Variants in CPNE5 observed in about 807,000 individuals in gnomAD.
CPNE5 encodes copine-5.
A neutral mutation model predicts 81.1 loss-of-function variants in CPNE5; 42 were observed. The observed-to-expected ratio is 0.52, with a 90% confidence interval of 0.40 to 0.67. The LOEUF is 0.67. Among genes scored for constraint, CPNE5 ranks in the 30% least tolerant of loss-of-function variants. CPNE5 has a pLI of 0.00. For synonymous variants in CPNE5, 313 were observed against 321.5 expected (o/e 0.97, Z 0.28); for missense variants, 612 against 815.5 (o/e 0.75, Z 3.04).
At chr6:36,836,022 G>A (rs1483060081) in intron 1 of CPNE5, among the ~76,000 whole-genome samples, 1 of 152,172 alleles carries the variant, frequency 6.6e-6, no homozygotes. Context: ...CAGCTTAGTA[G>A]CTTACCCAAG....
Position 36,742,200 on chromosome 6 carries a change from C to T in CPNE5, c.*68G>A. 2 of 1,313,630 alleles carry T rather than the reference C, an allele frequency of 1.5e-6. No individual in the cohort carries two copies. The highest frequency in any genetic ancestry group is 2.1e-6 in the Non-Finnish European group (2 of 954,380). The allele number at this position is 1,313,630 out of a possible 1,614,324, so 81.4% of individuals were successfully genotyped here. A position where few individuals can be genotyped will look rare whatever the true frequency, so the allele number is the denominator to read the frequency against. ...GCCGGGCAGGCCAACTTCGGGGAGT[C>T]TGGGGCCCTGGCCTCCCATTCACCT... On this transcript the variant is annotated 3_prime_UTR_variant, in exon 21 of 21. Coordinates refer to ENST00000244751, the MANE Select transcript of CPNE5 (RefSeq NM_020939.2).
chr6:36,744,369 G>T, intron 18 of CPNE5, 44 bp from the exon 19 acceptor site: 1 of 1,496,758 alleles, frequency 6.7e-7, no homozygotes, highest in Non-Finnish European at 9.2e-7. Flanking sequence ...GACCCAATTG[G>T]GACCCAGTTA....
In CPNE5 at chr6:36,745,054, A is replaced by C; in HGVS notation, c.1425T>G (p.Ile475Met). The C allele has an allele frequency of 1.2e-6, 2 of 1,612,726 alleles. No individual in the cohort carries two copies. Among genetic ancestry groups the C allele is most frequent in the Non-Finnish European group, 1.7e-6 (2 of 1,178,696 alleles). Residue 475 changes from isoleucine to methionine, a missense_variant, in exon 18 of 21, where the codon ATT becomes ATG. Transcript: ENST00000244751. Reference sequence around the variant, plus strand: ...CCGCACACTCCTTGCTTACGTTGACAATGGCCTCCTTGGTCTGCGCCATGT... The same window carrying C: ...CCGCACACTCCTTGCTTACGTTGACCATGGCCTCCTTGGTCTGCGCCATGT... ...ISDMAQTKEA[I>M]VNAAKLPMSI...
intron 10 of CPNE5, among the ~76,000 whole-genome samples, chr6:36,770,727 T>A (rs972772059): frequency 3.3e-5 from 5 of 152,182 alleles, no homozygotes; most frequent in African/African-American, 9.7e-5. Flanking sequence ...CCTCCTGCTT[T>A]AGCGGTGCCT....
rs57677612 is a variant in CPNE5, at chr6:36,802,217, C to CAA, written c.184-2149_184-2148dup. ...CTGGCAACAGAGTGAGACTCCATCT[C>CAA]AAAAAAAAAAAAAAAAAAAAAAAAA... On this transcript the variant is annotated intron_variant, in intron 3 of 20. Transcript: ENST00000244751. Among the ~76,000 whole-genome samples, 61 of 56,730 alleles carry CAA rather than the reference C, an allele frequency of 1.1e-3. 1 individual carries two copies. Among genetic ancestry groups the CAA allele is most frequent in the Non-Finnish European group, 1.6e-3 (50 of 32,040 alleles). 37.2% of individuals were successfully genotyped at this position (56,730 alleles called of 152,430 possible).
intron 3 of CPNE5, among the ~76,000 whole-genome samples, chr6:36,802,973 A>G (rs774766223): frequency 2.0e-5 from 3 of 152,084 alleles, no homozygotes; most frequent in Admixed American, 2.0e-4. Flanking sequence ...CAGGAGAATC[A>G]CTTAAACCCA....
intron 16 of CPNE5, 118 bp from the exon 17 acceptor site, chr6:36,745,633 G>T: frequency 1.7e-6 from 2 of 1,176,918 alleles, no homozygotes; most frequent in Non-Finnish European, 2.4e-6. Context: ...GGTCTTCTCT[G>T]GTGTGGGGTG....
chr6:36,837,597 C>A (rs1415241579), intron 1 of CPNE5, among the ~76,000 whole-genome samples: 1 of 152,142 alleles, frequency 6.6e-6, no homozygotes, highest in East Asian at 1.9e-4. Flanking sequence ...AGGCTGAGTA[C>A]CTAGGGCCCA....
intron 1 of CPNE5, among the ~76,000 whole-genome samples, chr6:36,834,242 G>A (rs13214822): frequency 1.6e-5 from 1 of 62,056 alleles, no homozygotes; most frequent in South Asian, 6.7e-4. Context: ...TTGGGCAACA[G>A]AGACTGTATC....
intron 3 of CPNE5, among the ~76,000 whole-genome samples, chr6:36,804,010 C>T (rs1283601625): frequency 1.3e-5 from 2 of 152,146 alleles, no homozygotes; most frequent in Non-Finnish European, 2.9e-5. Flanking sequence ...ACTGAATGCT[C>T]AATAGCTTAA....
intron 1 of CPNE5, among the ~76,000 whole-genome samples, chr6:36,831,539 A>C (rs1275299683): frequency 6.6e-6 from 1 of 151,250 alleles, no homozygotes; most frequent in Admixed American, 6.6e-5. Flanking sequence ...TTTTTAATAG[A>C]AACGGGGTTT....
intron 11 of CPNE5, among the ~76,000 whole-genome samples, chr6:36,764,852 T>C (rs184066590): frequency 0.012 from 1,806 of 152,244 alleles, 16 homozygotes; most frequent in Non-Finnish European, 0.017. Context: ...ACGGGTACAA[T>C]TGGCCTCCCT....
chr6:36,804,966 A>G (rs547614588), intron 3 of CPNE5, among the ~76,000 whole-genome samples: 13 of 152,370 alleles, frequency 8.5e-5, no homozygotes, highest in African/African-American at 2.9e-4. Context: ...CTGGGGACTT[A>G]CTGAAGATGT....
intron 12 of CPNE5, among the ~76,000 whole-genome samples, chr6:36,760,834 T>A (rs1478629237): frequency 6.6e-6 from 1 of 151,930 alleles, no homozygotes; most frequent in African/African-American, 2.4e-5. Flanking sequence ...GAGGCACAGG[T>A]CTTTACTGGC....
At chr6:36,821,771 A>G (rs236377) in intron 3 of CPNE5, among the ~76,000 whole-genome samples, 69,502 of 151,982 alleles carry the variant, frequency 0.46, 16,170 homozygotes, top group South Asian at 0.62. Flanking sequence ...CTTGCTGTGG[A>G]TGAGGCCTGG....
chr6:36,830,999 A>G (rs1054696919), intron 1 of CPNE5, among the ~76,000 whole-genome samples: 1 of 151,668 alleles, frequency 6.6e-6, no homozygotes, highest in Non-Finnish European at 1.5e-5. Context: ...GCCTCTCTCT[A>G]CCCTTCATCA....
chr6:36,811,832 A>G (rs1295974743), intron 3 of CPNE5, among the ~76,000 whole-genome samples: 3 of 152,128 alleles, frequency 2.0e-5, no homozygotes, highest in Non-Finnish European at 2.9e-5. Flanking sequence ...GGCTGGGCGC[A>G]GTGGCTCATG....
At chr6:36,762,069 T>C (rs560451028) in intron 12 of CPNE5, among the ~76,000 whole-genome samples, 3 of 151,726 alleles carry the variant, frequency 2.0e-5, no homozygotes, top group African/African-American at 7.3e-5. Flanking sequence ...CTGGGAAACA[T>C]AGCGAGATCC....
chr6:36,755,169 A>T (rs1008914576), intron 13 of CPNE5: 1 of 152,226 alleles, frequency 6.6e-6, no homozygotes, highest in African/African-American at 2.4e-5. Flanking sequence ...GGAGAAAATG[A>T]GGCTTCTCAG....
Sources: allele counts gnomAD v4.1 joint callset (sites outside exome capture counted in the v4.1 genomes callset), GRCh38; gene constraint gnomAD v4.1.1; transcripts MANE v1.5; gene names NCBI Gene and HGNC (gene_info 2026-07-23, HGNC 2026-07-21).